BICD1: variants seen among roughly 807,000 people sequenced by gnomAD.
BICD1 encodes the protein BICD cargo adaptor 1, also known as protein bicaudal D homolog 1.
In BICD1, 35 loss-of-function variants were observed where a neutral mutation model predicts 92.5. That is an observed-to-expected ratio of 0.38 (90% CI 0.29 to 0.50). BICD1 has a LOEUF of 0.50. Ranked by LOEUF, BICD1 falls within the 20% of genes least tolerant of loss-of-function variation. The pLI, the probability that BICD1 is intolerant of heterozygous loss-of-function variation, is 0.93. For synonymous variants in BICD1, 429 were observed against 465.1 expected, an observed-to-expected ratio of 0.92 and a Z score of 1.00; for missense variants, 950 against 1,189.8, an observed-to-expected ratio of 0.80 and a Z score of 2.97.
chr12:32,208,017 G>A (rs879847076), intron 1 of BICD1, among the ~76,000 whole-genome samples: 13 of 152,194 alleles, frequency 8.5e-5, no homozygotes, highest in Admixed American at 3.9e-4. Context: ...AAGAGAGGAG[G>A]ATTGGTATTG....
At chr12:32,309,267 T>C (rs1948314051) in intron 4 of BICD1, among the ~76,000 whole-genome samples, 1 of 152,186 alleles carries the variant, frequency 6.6e-6, no homozygotes, top group Non-Finnish European at 1.5e-5. Flanking sequence ...GAGAGTACTG[T>C]GCACCTGAAG....
At chr12:32,234,843 C>G (rs918664388) in intron 2 of BICD1, among the ~76,000 whole-genome samples, 1 of 151,542 alleles carries the variant, frequency 6.6e-6, no homozygotes. Flanking sequence ...TGCCATCACA[C>G]CTGAATAATT....
rs1476146394 is a variant in BICD1 at position 32,378,879 on chromosome 12, G to A, written c.*1252G>A. ...TCCTGGTTAATTTACAGATTCTGCT[G>A]GGTAACTTTTATGACTTGATTTAAG... On this transcript the variant is annotated 3_prime_UTR_variant, in exon 10 of 10. Transcript: ENST00000652176. 1.3e-5 allele frequency: 2 copies of A among 152,120 alleles called. No individual in the cohort carries two copies. Among genetic ancestry groups the A allele is most frequent in the Non-Finnish European group, 2.9e-5 (2 of 68,032 alleles). 9.4% of individuals were successfully genotyped at this position (152,120 alleles called of 1,614,324 possible). A position where few individuals can be genotyped will look rare whatever the true frequency, so the allele number is the denominator to read the frequency against.
At chr12:32,317,301 G>A (rs1948530959) in intron 4 of BICD1, among the ~76,000 whole-genome samples, 3 of 152,170 alleles carry the variant, frequency 2.0e-5, no homozygotes, top group African/African-American at 4.8e-5. Flanking sequence ...CACAATGGTC[G>A]AACTAGTTTA....
At chr12:32,113,281 C>A (rs755419866) in intron 1 of BICD1, among the ~76,000 whole-genome samples, 2 of 152,104 alleles carry the variant, frequency 1.3e-5, no homozygotes, top group Non-Finnish European at 2.9e-5. Context: ...GACAGTGGAG[C>A]TGAGAATCTT....
intron 8 of BICD1, among the ~76,000 whole-genome samples, chr12:32,361,067 A>G (rs1196308614): frequency 6.6e-6 from 1 of 152,214 alleles, no homozygotes; most frequent in Non-Finnish European, 1.5e-5. Flanking sequence ...CAAAAATGCC[A>G]TGAGGTTTCT....
intron 2 of BICD1, among the ~76,000 whole-genome samples, chr12:32,251,232 G>A (rs1320179626): frequency 6.6e-6 from 1 of 151,970 alleles, no homozygotes; most frequent in Non-Finnish European, 1.5e-5. Context: ...AGTTATATAT[G>A]CATATGTTAA....
At chr12:32,234,121 G>C (rs1476220450) in intron 2 of BICD1, among the ~76,000 whole-genome samples, 1 of 152,138 alleles carries the variant, frequency 6.6e-6, no homozygotes, top group East Asian at 1.9e-4. Context: ...AGCTGTATTA[G>C]TAGATCCAAA....
intron 2 of BICD1, among the ~76,000 whole-genome samples, chr12:32,287,880 G>A (rs1947617076): frequency 1.3e-5 from 2 of 152,168 alleles, no homozygotes; most frequent in Non-Finnish European, 2.9e-5. Context: ...TGCTCATGTG[G>A]TTGCAGTCAT....
At chr12:32,120,746 C>T (rs918865966) in intron 1 of BICD1, among the ~76,000 whole-genome samples, 15 of 141,198 alleles carry the variant, frequency 1.1e-4, no homozygotes, top group East Asian at 6.1e-4. Flanking sequence ...CTCTTTGGCA[C>T]GCATGACCAT....
intron 5 of BICD1, among the ~76,000 whole-genome samples, chr12:32,329,670 A>T (rs1251689185): frequency 6.6e-6 from 1 of 152,154 alleles, no homozygotes; most frequent in Admixed American, 6.5e-5. Flanking sequence ...TTCATTTGGG[A>T]TGTTAACCCA....
intron 2 of BICD1, among the ~76,000 whole-genome samples, chr12:32,276,084 C>T (rs908670194): frequency 6.6e-6 from 1 of 152,102 alleles, no homozygotes; most frequent in Admixed American, 6.5e-5. Context: ...ACCTCCGAAG[C>T]GTTTGTCTCT....
chr12:32,364,787 C>T (rs201549791), intron 8 of BICD1, among the ~76,000 whole-genome samples: 2 of 121,150 alleles, frequency 1.7e-5, no homozygotes, highest in South Asian at 4.8e-4. Context: ...CCTGTCTCTA[C>T]AAAAATTTAA....
In BICD1 at chr12:32,280,103, T is replaced by G. The variant is rs560566984; in HGVS notation, c.427-13891T>G. On this transcript the variant is annotated intron_variant, in intron 2 of 9. Transcript: ENST00000652176. ...ACAAGAGTGAAACTGCATCTCTAAA[T>G]AAATAAATAAATAAAAATAAAGTGA... is the stretch of plus-strand genomic sequence containing the variant. 4.0e-5 allele frequency among the ~76,000 whole-genome samples: 6 copies of G among 151,696 alleles called. No individual in the cohort carries two copies. The East Asian group carries it at 1.2e-3, about 29-fold the overall frequency.
At chr12:32,255,069 G>A (rs12578420) in intron 2 of BICD1, among the ~76,000 whole-genome samples, 14,321 of 152,022 alleles carry the variant, frequency 0.094, 871 homozygotes, top group East Asian at 0.3. Flanking sequence ...GTCTAAGATC[G>A]AGGTGTCTGC....
intron 2 of BICD1, among the ~76,000 whole-genome samples, chr12:32,237,880 G>A (rs547794377): frequency 3.3e-5 from 5 of 152,284 alleles, no homozygotes; most frequent in African/African-American, 1.2e-4. Context: ...GGCAGCCAAT[G>A]GATCCAGGAG....
At chr12:32,339,347 T>C (rs1938266813) in intron 8 of BICD1, 1 of 996,718 alleles carries the variant, frequency 1.0e-6, no homozygotes, top group Non-Finnish European at 1.2e-6. Context: ...GTTTTTAATG[T>C]AATTTCCGTA....
intron 9 of BICD1, among the ~76,000 whole-genome samples, chr12:32,370,801 C>T (rs774520450): frequency 2.0e-5 from 3 of 152,170 alleles, no homozygotes; most frequent in Non-Finnish European, 4.4e-5. Context: ...TAGTATCTTA[C>T]CATTCCTCAA....
In BICD1 at chr12:32,328,032, AT is replaced by A. The variant is rs773037663; in HGVS notation, c.1578del (p.Asn526LysfsTer24). 1 of 1,614,154 alleles carries A rather than the reference AT, an allele frequency of 6.2e-7. No individual in the cohort carries two copies. Among genetic ancestry groups the A allele is most frequent in the Non-Finnish European group, 8.5e-7 (1 of 1,180,030 alleles). ...CTTTACCACCATGTGTGTCTATGTA[AT>A]AATGAAACTCCCAACAGGGTCATGC... ...AQLYHHVCLCNNETPNRVMLD... is the reference protein window; with the variant it reads ...AQLYHHVCLCXNETPNRVMLD... On this transcript the variant is annotated frameshift_variant, in exon 5 of 10. Transcript: ENST00000652176. LOFTEE classifies it high-confidence loss of function. This position sits in a 1 kb window ranked among gnomAD's most constrained non-coding sequence, Gnocchi z 4.4.
Sources: gnomAD v4.1 joint callset for allele counts (sites outside exome capture counted in the v4.1 genomes callset) on GRCh38, gnomAD v4.1.1 for gene constraint, Gnocchi (gnomAD v3.1) non-coding constraint, MANE v1.5 for transcripts, NCBI Gene and HGNC (gene_info 2026-07-23, HGNC 2026-07-21) for gene names.